TSG101: variants seen among roughly 807,000 people sequenced by gnomAD.
TSG101 encodes the protein tumor susceptibility 101.
Under a neutral mutation model 48.5 loss-of-function variants are expected in TSG101, and 19 were observed. The observed-to-expected ratio is 0.39, with a 90% CI of 0.27 to 0.58. The LOEUF (loss-of-function observed/expected upper bound fraction) is 0.58, where lower values mean the gene tolerates loss of function less well. Among genes scored for constraint, TSG101 ranks in the 20% least tolerant of loss-of-function variants. The probability of loss-of-function intolerance (pLI) is 0.55; values close to 1 mark genes in which losing one functional copy is unlikely to be tolerated. For missense variants in TSG101, 365 were observed against 484.4 expected, an observed-to-expected ratio of 0.75 and a Z score of 2.31; for synonymous variants, 174 against 169.4, an observed-to-expected ratio of 1.03 and a Z score of -0.21.
In TSG101 at chr11:18,484,199, A is replaced by C. The variant is rs34063850; in HGVS notation, c.641-127T>G. ...CAAAATGTGAGGAAAGAAAAAAATTATGTTACCAGTTTCATGAGAAATAAT... is the reference window on the plus strand; with the variant it reads ...CAAAATGTGAGGAAAGAAAAAAATTCTGTTACCAGTTTCATGAGAAATAAT... On this transcript the variant is annotated intron_variant, in intron 7 of 9. Transcript: ENST00000251968. 8.5e-5 allele frequency: 71 copies of C among 838,932 alleles called. No individual in the cohort carries two copies. In the African/African-American group the frequency reaches 1.1e-3, roughly 14 times the overall value. 52.0% of individuals were successfully genotyped at this position (838,932 alleles called of 1,614,324 possible).
At chr11:18,490,188 G>A (rs1296172071) in intron 7 of TSG101, 3 of 320,954 alleles carry the variant, frequency 9.3e-6, no homozygotes, top group Non-Finnish European at 1.9e-5. Context: ...GATATACGTG[G>A]AGGGTACAGA....
At chr11:18,494,348 C>T (rs1157025497) in intron 7 of TSG101, among the ~76,000 whole-genome samples, 6 of 152,092 alleles carry the variant, frequency 3.9e-5, no homozygotes, top group Non-Finnish European at 8.8e-5. Flanking sequence ...TTAAAATTAA[C>T]GTTTTGTGAA....
At chr11:18,509,762 T>C in intron 4 of TSG101, 97 bp from the exon 5 acceptor site, 7 of 1,349,480 alleles carry the variant, frequency 5.2e-6, no homozygotes, top group Middle Eastern at 2.6e-4. Flanking sequence ...CTCAGCTTGA[T>C]AATTTTCTTT....
chr11:18,519,741 T>C lies in TSG101; in HGVS notation c.43-138A>G, dbSNP rs35643065. 288 of 589,622 alleles carry C rather than the reference T, an allele frequency of 4.9e-4. 1 individual carries two copies. Among genetic ancestry groups the C allele is most frequent in the African/African-American group, 4.8e-3 (256 of 53,226 alleles). 36.5% of individuals were successfully genotyped at this position (589,622 alleles called of 1,614,324 possible). ...AAAGAACCTAAAAAACCCATAATAC[T>C]ATTATCACACTAAAATAATCACTAT... On this transcript the variant is annotated intron_variant, in intron 1 of 9. Transcript: ENST00000251968.
chr11:18,483,027 CGTGT>C (rs61603313), intron 8 of TSG101, among the ~76,000 whole-genome samples: 24,555 of 150,904 alleles, frequency 0.16, 2,548 homozygotes, highest in East Asian at 0.41. Flanking sequence ...GACCTGTGTG[CGTGT>C]GTGTGTGTGT....
intron 4 of TSG101, among the ~76,000 whole-genome samples, chr11:18,513,999 G>C (rs889605060): frequency 6.6e-5 from 10 of 151,922 alleles, no homozygotes; most frequent in African/African-American, 2.4e-4. Flanking sequence ...AAGCTGAATT[G>C]CTTGGACCTG....
intron 2 of TSG101, 137 bp from the exon 3 acceptor site, chr11:18,516,301 C>A: frequency 1.6e-6 from 1 of 641,672 alleles, no homozygotes; most frequent in Non-Finnish European, 2.7e-6. Flanking sequence ...CCATCCTGTC[C>A]AATAACTAAC....
intron 6 of TSG101, among the ~76,000 whole-genome samples, chr11:18,506,014 A>C (rs964636655): frequency 6.6e-6 from 1 of 151,664 alleles, no homozygotes; most frequent in Non-Finnish European, 1.5e-5. Flanking sequence ...ATGGGGTTTC[A>C]CTCTGTTGGC....
At chr11:18,524,495 A>T (rs1357760220) in intron 1 of TSG101, among the ~76,000 whole-genome samples, 1 of 152,212 alleles carries the variant, frequency 6.6e-6, no homozygotes, top group Non-Finnish European at 1.5e-5. Context: ...TGAAAGGAAA[A>T]CATTTGAAGC....
chr11:18,515,036 C>T (rs369178192), intron 3 of TSG101, among the ~76,000 whole-genome samples, 195 bp from the exon 4 acceptor site: 22 of 152,130 alleles, frequency 1.4e-4, no homozygotes, highest in East Asian at 1.2e-3. Context: ...CTCAGTCTTC[C>T]CTAAACTTAT....
chr11:18,511,051 C>G (rs1366247579), intron 4 of TSG101: 1 of 152,228 alleles, frequency 6.6e-6, no homozygotes, highest in Non-Finnish European at 1.5e-5. Flanking sequence ...ACTCCTTAAT[C>G]TATTTTGTGT....
intron 7 of TSG101, among the ~76,000 whole-genome samples, chr11:18,501,093 C>T (rs1175879158): frequency 2.0e-5 from 3 of 152,226 alleles, no homozygotes; most frequent in Non-Finnish European, 4.4e-5. Flanking sequence ...CAGACGTGAG[C>T]CACTGCATCT....
chr11:18,481,900 CTG>C (rs1849547139), intron 8 of TSG101, 31 bp from the exon 9 acceptor site: 1 of 1,607,690 alleles, frequency 6.2e-7, no homozygotes, highest in South Asian at 1.1e-5. Flanking sequence ...GCATTAATAA[CTG>C]TACATAATTA....
At chr11:18,499,365 AAT>A (rs1176496857) in intron 7 of TSG101, among the ~76,000 whole-genome samples, 32 of 78,438 alleles carry the variant, frequency 4.1e-4, no homozygotes, top group African/African-American at 1.1e-3. Context: ...TTTATATATA[AAT>A]ATGTTTATAT....
chr11:18,506,976 T>G, intron 5 of TSG101, 53 bp from the exon 6 acceptor site: 1 of 1,441,450 alleles, frequency 6.9e-7, no homozygotes, highest in Non-Finnish European at 9.7e-7. Flanking sequence ...CCTGAATATG[T>G]AGGCTACTGA....
intron 3 of TSG101, among the ~76,000 whole-genome samples, chr11:18,515,871 C>G (rs1287072035): frequency 6.6e-6 from 1 of 152,192 alleles, no homozygotes; most frequent in African/African-American, 2.4e-5. Context: ...TTAAACTCCT[C>G]TGGTGAACTT....
At chr11:18,502,199 A>G (rs1264560474) in intron 7 of TSG101, among the ~76,000 whole-genome samples, 4 of 152,254 alleles carry the variant, frequency 2.6e-5, no homozygotes, top group Non-Finnish European at 5.9e-5. Flanking sequence ...TAACCAAGCT[A>G]GGAAAATCTA....
chr11:18,501,417 T>G (rs1203429709), intron 7 of TSG101, among the ~76,000 whole-genome samples: 3 of 152,236 alleles, frequency 2.0e-5, no homozygotes. Flanking sequence ...GAAAATCAGT[T>G]GGCTGTAAAT....
chr11:18,496,334 C>G (rs1849777060), intron 7 of TSG101, among the ~76,000 whole-genome samples: 1 of 150,984 alleles, frequency 6.6e-6, no homozygotes, highest in Non-Finnish European at 1.5e-5. Context: ...CTCAGCTACT[C>G]AGGATGCTGA....
Sources: gnomAD v4.1 joint callset for allele counts (sites outside exome capture counted in the v4.1 genomes callset) on GRCh38, gnomAD v4.1.1 for gene constraint, MANE v1.5 for transcripts, NCBI Gene and HGNC (gene_info 2026-07-23, HGNC 2026-07-21) for gene names.